TMEM132D: variants seen among roughly 807,000 people sequenced by gnomAD.
TMEM132D encodes transmembrane protein 132D.
In TMEM132D, 21 loss-of-function variants were observed where a neutral mutation model predicts 62.3. That is an observed-to-expected ratio of 0.34 (90% CI 0.24 to 0.49). The LOEUF is 0.49. TMEM132D is among the 20% of genes least tolerant of loss of function. TMEM132D has a pLI of 0.99. For synonymous variants in TMEM132D, 621 were observed against 575.6 expected, an observed-to-expected ratio of 1.08 and a Z score of -1.13; for missense variants, 1,346 against 1,402.8, an observed-to-expected ratio of 0.96 and a Z score of 0.65.
At chr12:129,192,877 A>C (rs1258658627) in intron 5 of TMEM132D, among the ~76,000 whole-genome samples, 1 of 152,186 alleles carries the variant, frequency 6.6e-6, no homozygotes, top group Non-Finnish European at 1.5e-5. Context: ...GGGCTTCAAA[A>C]ATTATATAAC....
intron 3 of TMEM132D, among the ~76,000 whole-genome samples, chr12:129,456,353 G>C (rs1211856921): frequency 6.6e-6 from 1 of 152,128 alleles, no homozygotes; most frequent in Non-Finnish European, 1.5e-5. Context: ...TTATAATCCA[G>C]TGACCATGGC....
intron 2 of TMEM132D, among the ~76,000 whole-genome samples, chr12:129,577,061 C>T (rs533024859): frequency 6.6e-6 from 1 of 151,978 alleles, no homozygotes; most frequent in Admixed American, 6.5e-5. Context: ...GCACTTCCAG[C>T]ATCACTAGTG....
chr12:129,292,513 A>T (rs1054557969), intron 4 of TMEM132D, among the ~76,000 whole-genome samples: 1 of 152,196 alleles, frequency 6.6e-6, no homozygotes, highest in Non-Finnish European at 1.5e-5. Flanking sequence ...GTTAATGACC[A>T]AAGGAAAACA....
chr12:129,092,491 T>G (rs1237933887), intron 5 of TMEM132D, among the ~76,000 whole-genome samples: 2 of 152,100 alleles, frequency 1.3e-5, no homozygotes, highest in Non-Finnish European at 2.9e-5. Flanking sequence ...GGTCAGGAGT[T>G]CGCGACCAGC....
intron 5 of TMEM132D, among the ~76,000 whole-genome samples, chr12:129,091,236 TG>T (rs983944211): frequency 3.9e-5 from 6 of 151,982 alleles, no homozygotes; most frequent in South Asian, 2.1e-4. Flanking sequence ...ACTTGGGCTC[TG>T]GAGACCCTAC....
intron 2 of TMEM132D, among the ~76,000 whole-genome samples, chr12:129,611,023 C>T (rs1179555210): frequency 6.6e-6 from 1 of 152,112 alleles, no homozygotes; most frequent in Non-Finnish European, 1.5e-5. Flanking sequence ...TCAGCTGCAC[C>T]CCAGGAATCC....
chr12:129,560,444 A>G (rs1289968812), intron 2 of TMEM132D, among the ~76,000 whole-genome samples: 3 of 150,842 alleles, frequency 2.0e-5, no homozygotes, highest in Non-Finnish European at 4.4e-5. Context: ...ATTTTTTTGT[A>G]TTTTTATTAA....
chr12:129,699,748 G>T (rs1262915824), intron 2 of TMEM132D, 62 bp downstream of exon 2: 2 of 1,575,400 alleles, frequency 1.3e-6, no homozygotes, highest in South Asian at 2.4e-5. Flanking sequence ...TGGTCAAACA[G>T]CTTCTGGAAA....
intron 1 of TMEM132D, among the ~76,000 whole-genome samples, chr12:129,869,663 T>C (rs1874179642): frequency 6.6e-6 from 1 of 152,198 alleles, no homozygotes. Context: ...ACAAAAAGTA[T>C]TTTCCTAAGG....
rs112611322 is a variant in TMEM132D at position 129,354,515 on chromosome 12, G to A, written c.1116-16698C>T. ...ATTTTTGTATTTTTAGTAGAGACGA[G>A]GTTTCACCATATTGGCCAGGCTGGT... On this transcript the variant is annotated intron_variant, in intron 3 of 8. Coordinates refer to ENST00000422113, the MANE Select transcript of TMEM132D (RefSeq NM_133448.3). Among the ~76,000 whole-genome samples, 249 of 152,118 alleles carry A rather than the reference G, an allele frequency of 1.6e-3. 2 individuals carry two copies. Among genetic ancestry groups the A allele is most frequent in the African/African-American group, 5.5e-3 (228 of 41,506 alleles).
chr12:129,882,120 T>C (rs560280182), intron 1 of TMEM132D, among the ~76,000 whole-genome samples: 1 of 152,120 alleles, frequency 6.6e-6, no homozygotes, highest in East Asian at 1.9e-4. Context: ...ATCAAAGAAA[T>C]TGAACTTACA....
intron 4 of TMEM132D, among the ~76,000 whole-genome samples, chr12:129,296,997 G>C (rs1396014179): frequency 6.6e-6 from 1 of 152,212 alleles, no homozygotes; most frequent in Non-Finnish European, 1.5e-5. Context: ...TCAGTAGTTT[G>C]CTCTGCAGGG....
At chr12:129,214,557 T>C (rs1209509434) in intron 4 of TMEM132D, among the ~76,000 whole-genome samples, 1 of 152,230 alleles carries the variant, frequency 6.6e-6, no homozygotes, top group Non-Finnish European at 1.5e-5. Flanking sequence ...ATAAAATGAC[T>C]ATAGTTTTTG....
At chr12:129,399,388 AACCAACCC>A (rs1871539147) in intron 3 of TMEM132D, among the ~76,000 whole-genome samples, 1 of 152,166 alleles carries the variant, frequency 6.6e-6, no homozygotes, top group Non-Finnish European at 1.5e-5. Context: ...CTCCCATGAT[AACCAACCC>A]ACTCCTGCAA....
At chr12:129,825,758 C>T (rs1872646307) in intron 1 of TMEM132D, among the ~76,000 whole-genome samples, 1 of 152,082 alleles carries the variant, frequency 6.6e-6, no homozygotes, top group African/African-American at 2.4e-5. Flanking sequence ...TCCTTCCAGG[C>T]CCACACTTTA....
At chr12:129,373,712 G>A (rs1870693561) in intron 3 of TMEM132D, among the ~76,000 whole-genome samples, 1 of 152,102 alleles carries the variant, frequency 6.6e-6, no homozygotes, top group Non-Finnish European at 1.5e-5. Flanking sequence ...TTTAAAGCAG[G>A]CATACACATT....
chr12:129,632,556 G>A (rs974987154), intron 2 of TMEM132D, among the ~76,000 whole-genome samples: 1 of 152,138 alleles, frequency 6.6e-6, no homozygotes, highest in African/African-American at 2.4e-5. Flanking sequence ...CCTCCTGGCT[G>A]TGTTTTCTTC....
intron 2 of TMEM132D, among the ~76,000 whole-genome samples, chr12:129,617,435 A>G (rs1032742910): frequency 1.3e-5 from 2 of 152,084 alleles, no homozygotes; most frequent in Admixed American, 6.5e-5. Flanking sequence ...GTCTTAGTCC[A>G]TTCTGCCCAC....
chr12:129,792,517 C>T (rs1871429282), intron 1 of TMEM132D, among the ~76,000 whole-genome samples: 2 of 152,050 alleles, frequency 1.3e-5, no homozygotes, highest in Admixed American at 6.5e-5. Context: ...ACATATTTAC[C>T]GAAAACCTGT....
Sources: allele counts gnomAD v4.1 joint callset (sites outside exome capture counted in the v4.1 genomes callset), GRCh38; gene constraint gnomAD v4.1.1; transcripts MANE v1.5; gene names NCBI Gene and HGNC (gene_info 2026-07-23, HGNC 2026-07-21).